COTL1: variants seen among roughly 807,000 people sequenced by gnomAD.
COTL1 encodes the protein coactosin like F-actin binding protein 1, also known as coactosin-like protein.
Under a neutral mutation model 16.5 loss-of-function variants are expected in COTL1, and 15 were observed. The ratio of observed to expected loss-of-function variants is 0.91; its 90% confidence interval spans 0.61 to 1.40. The LOEUF (loss-of-function observed/expected upper bound fraction) is 1.40, where lower values mean the gene tolerates loss of function less well. Ranked by LOEUF, COTL1 falls within the 40% of genes most tolerant of loss-of-function variation. The probability of loss-of-function intolerance (pLI) is 0.00; values close to 1 mark genes in which losing one functional copy is unlikely to be tolerated. For synonymous variants in COTL1, 112 were observed against 85.3 expected, an observed-to-expected ratio of 1.31 and a Z score of -1.73; for missense variants, 220 against 201.5, an observed-to-expected ratio of 1.09 and a Z score of -0.56.
rs956372613 is a variant in COTL1, at chr16:84,566,228, G to A, written c.*617C>T. The A allele has an allele frequency of 5.9e-5, 9 of 152,740 alleles. No individual in the cohort carries two copies. Among genetic ancestry groups the A allele is most frequent in the East Asian group, 5.8e-4 (3 of 5,190 alleles). The allele number at this position is 152,740 out of a possible 1,614,324, so 9.5% of individuals were successfully genotyped here. ...AGCCGGACCTAACCTTCTCACCACC[G>A]AGCAATCCTGCCTATGCTGGACATG... On this transcript the variant is annotated 3_prime_UTR_variant, in exon 4 of 4. Coordinates refer to ENST00000262428, the MANE Select transcript of COTL1 (RefSeq NM_021149.5).
chr16:84,582,330 G>A (rs1018450782), intron 3 of COTL1, among the ~76,000 whole-genome samples: 36 of 152,132 alleles, frequency 2.4e-4, no homozygotes, highest in African/African-American at 8.7e-4. Flanking sequence ...TTAAAACAGA[G>A]ATGCAGTCTC....
intron 2 of COTL1, chr16:84,594,546 A>T (rs905603754): frequency 6.6e-6 from 1 of 152,238 alleles, no homozygotes; most frequent in African/African-American, 2.4e-5. Context: ...CAAAGTGCTT[A>T]ATTAAATGGC....
chr16:84,592,996 C>A (rs1321253810), intron 2 of COTL1, among the ~76,000 whole-genome samples: 5 of 152,194 alleles, frequency 3.3e-5, no homozygotes, highest in African/African-American at 9.7e-5. Flanking sequence ...ACAAAACATG[C>A]TTCTATTTCA....
Position 84,618,028 on chromosome 16 carries a change from G to A in COTL1, c.-114C>T, listed in dbSNP as rs988678120. 26 of 513,572 alleles carry A rather than the reference G, an allele frequency of 5.1e-5. No homozygotes were observed. Among genetic ancestry groups the A allele is most frequent in the African/African-American group, 3.7e-4 (18 of 48,222 alleles). The allele number at this position is 513,572 out of a possible 1,614,324, so 31.8% of individuals were successfully genotyped here. ...GAGGGCGCACGGGCTGGCGGCGGTG[G>A]CGACGGCTACGCGGCGCCTGCAAGC... is the stretch of plus-strand genomic sequence containing the variant. On this transcript the variant is annotated 5_prime_UTR_variant, in exon 1 of 4. Coordinates refer to ENST00000262428, the MANE Select transcript of COTL1 (RefSeq NM_021149.5).
Position 84,617,853 on chromosome 16 carries a change from CCGT to C in COTL1, c.59_61del (p.Asp20del). The C allele has an allele frequency of 6.3e-7, 1 of 1,575,174 alleles. No individual in the cohort carries two copies. Among genetic ancestry groups the C allele is most frequent in the East Asian group, 2.3e-5 (1 of 42,762 alleles). ...AAGTTCCTACCAGATGACGGCCGAG[CCGT>C]CGTCGCGCACCAGGTTGTACGCCGC... On this transcript the variant is annotated inframe_deletion, in exon 1 of 4. Coordinates refer to ENST00000262428, the MANE Select transcript of COTL1 (RefSeq NM_021149.5).
rs1159378182 is a variant in COTL1 at position 84,565,853 on chromosome 16, A to G, written c.*992T>C. On this transcript the variant is annotated 3_prime_UTR_variant, in exon 4 of 4. Transcript: ENST00000262428. ...CAGGCTTTTGGGGTGCTGTGAGCCC[A>G]GGGCTTTGCTCAGCTCACAGCTAGC... 2.0e-5 allele frequency: 3 copies of G among 152,304 alleles called. No individual in the cohort carries two copies. Among genetic ancestry groups the G allele is most frequent in the African/African-American group, 7.2e-5 (3 of 41,480 alleles). The allele number at this position is 152,304 out of a possible 1,614,324, so 9.4% of individuals were successfully genotyped here.
chr16:84,606,658 CT>C (rs1905216647), intron 2 of COTL1, among the ~76,000 whole-genome samples: 1 of 152,244 alleles, frequency 6.6e-6, no homozygotes, highest in Admixed American at 6.5e-5. Flanking sequence ...CCATGACATC[CT>C]GCCACGTCTA....
intron 2 of COTL1, chr16:84,616,316 A>C (rs955845160): frequency 4.6e-5 from 7 of 151,994 alleles, no homozygotes; most frequent in Non-Finnish European, 1.0e-4. Context: ...GCCTGGCCAA[A>C]ATGGTGAAAA....
At chr16:84,589,694 A>T (rs1197431110) in intron 3 of COTL1, among the ~76,000 whole-genome samples, 2 of 152,114 alleles carry the variant, frequency 1.3e-5, no homozygotes, top group Non-Finnish European at 2.9e-5. Flanking sequence ...AAAGACTTAA[A>T]GTAGGCACTG....
intron 2 of COTL1, among the ~76,000 whole-genome samples, chr16:84,613,006 C>CT (rs71151230): frequency 0.2 from 27,432 of 137,106 alleles, 2,991 homozygotes; most frequent in Middle Eastern, 0.28. Context: ...TTCTTTCTTT[C>CT]TTTTTTTTTT....
At chr16:84,592,046 T>A (rs957294656) in intron 2 of COTL1, among the ~76,000 whole-genome samples, 1 of 152,126 alleles carries the variant, frequency 6.6e-6, no homozygotes, top group Non-Finnish European at 1.5e-5. Context: ...TGCAGGGTGC[T>A]GAGCAGCACC....
Position 84,590,345 on chromosome 16 carries a change from G to A in COTL1, c.161-83C>T, listed in dbSNP as rs1305797552. 12 of 1,518,300 alleles carry A rather than the reference G, an allele frequency of 7.9e-6. No individual in the cohort carries two copies. The highest frequency in any genetic ancestry group is 5.5e-5 in the African/African-American group (4 of 73,252). The allele number at this position is 1,518,300 out of a possible 1,614,324, so 94.1% of individuals were successfully genotyped here. A position where few individuals can be genotyped will look rare whatever the true frequency, so the allele number is the denominator to read the frequency against. ...TCCCTGGGGAGAGGCTGTGAGCCAC[G>A]AGTGCGCCTGGAGCAGCACAGCAGG... On this transcript the variant is annotated intron_variant, in intron 2 of 3. Transcript: ENST00000262428. This position sits in a 1 kb window ranked among gnomAD's most constrained non-coding sequence, Gnocchi z 5.5.
At chr16:84,610,993 C>T (rs552982689) in intron 2 of COTL1, among the ~76,000 whole-genome samples, 24 of 152,350 alleles carry the variant, frequency 1.6e-4, no homozygotes, top group South Asian at 1.5e-3. Context: ...ACAATAACCA[C>T]ATTTATTGAG....
At chr16:84,602,861 A>G (rs1905128828) in intron 2 of COTL1, among the ~76,000 whole-genome samples, 1 of 152,178 alleles carries the variant, frequency 6.6e-6, no homozygotes, top group South Asian at 2.1e-4. Flanking sequence ...AAAAAAAAAA[A>G]AAAGTGCATG....
chr16:84,582,088 A>C (rs2150684159), intron 3 of COTL1, among the ~76,000 whole-genome samples: 1 of 148,258 alleles, frequency 6.7e-6, no homozygotes, highest in African/African-American at 2.5e-5. Flanking sequence ...CCTGGGTTCA[A>C]GCAATTCTCG....
intron 3 of COTL1, among the ~76,000 whole-genome samples, chr16:84,570,587 A>G (rs1005144917): frequency 1.3e-5 from 2 of 152,236 alleles, no homozygotes; most frequent in Non-Finnish European, 2.9e-5. Flanking sequence ...AGTATATACA[A>G]AAGCAACCAT....
intron 1 of COTL1, 28 bp downstream of exon 1, chr16:84,617,810 G>A: frequency 6.4e-7 from 1 of 1,556,482 alleles, no homozygotes; most frequent in Non-Finnish European, 8.7e-7. Context: ...CGGGGAGCGG[G>A]GCGTGGAGAC....
chr16:84,606,061 T>C (rs1905205584), intron 2 of COTL1, among the ~76,000 whole-genome samples: 1 of 152,218 alleles, frequency 6.6e-6, no homozygotes, highest in Non-Finnish European at 1.5e-5. Flanking sequence ...ACAAGATCTA[T>C]GGCAGGTTAA....
chr16:84,572,228 C>T (rs1391851247), intron 3 of COTL1, among the ~76,000 whole-genome samples: 2 of 152,182 alleles, frequency 1.3e-5, no homozygotes, highest in Admixed American at 6.5e-5. Context: ...CTGGAGGGAG[C>T]CTGCGTGGAG....
Sources: allele counts gnomAD v4.1 joint callset (sites outside exome capture counted in the v4.1 genomes callset), GRCh38; gene constraint gnomAD v4.1.1; non-coding constraint Gnocchi (gnomAD v3.1); transcripts MANE v1.5; gene names NCBI Gene and HGNC (gene_info 2026-07-23, HGNC 2026-07-21).